Variants in UFSP2 observed in about 807,000 individuals in gnomAD.
UFSP2 encodes ufm1-specific protease 2.
In UFSP2, 43 loss-of-function variants were observed where a neutral mutation model predicts 60.2. The ratio of observed to expected loss-of-function variants is 0.71; its 90% CI spans 0.56 to 0.92. UFSP2 has a LOEUF of 0.92. Among genes scored for constraint, UFSP2 ranks in the 40% least tolerant of loss-of-function variants. The pLI is 0.00. For synonymous variants in UFSP2, 183 were observed against 195.1 expected (o/e 0.94, Z 0.52); for missense variants, 520 against 575.0 (o/e 0.90, Z 0.98).
At chr4:185,421,906 G>A (rs2095550067) in intron 2 of UFSP2, among the ~76,000 whole-genome samples, 1 of 152,166 alleles carries the variant, frequency 6.6e-6, no homozygotes, top group African/African-American at 2.4e-5. Flanking sequence ...TCAGCCAAAT[G>A]CCTGTTGGGA....
intron 7 of UFSP2, among the ~76,000 whole-genome samples, chr4:185,412,399 C>T (rs1282847616): frequency 1.3e-5 from 2 of 152,080 alleles, no homozygotes; most frequent in African/African-American, 4.8e-5. Flanking sequence ...CAAGTGGGCC[C>T]CTAACTCATC....
At chr4:185,417,658 T>C (rs2095541044) in intron 4 of UFSP2, among the ~76,000 whole-genome samples, 1 of 152,174 alleles carries the variant, frequency 6.6e-6, no homozygotes, top group Non-Finnish European at 1.5e-5. Context: ...TTCATACAAC[T>C]TCGTGCCTTG....
At position 185,399,804 on chromosome 4, in the gene UFSP2, T is replaced by G. The variant is rs1326570835; in HGVS notation, c.*588A>C. 5 of 1,612,770 alleles carry G rather than the reference T, an allele frequency of 3.1e-6. No homozygotes were observed. Among genetic ancestry groups the G allele is most frequent in the Non-Finnish European group, 4.2e-6 (5 of 1,179,166 alleles). On this transcript the variant is annotated 3_prime_UTR_variant, in exon 12 of 12. Transcript: ENST00000264689. ...TAACTCAGAGCTGCTGCTTTTTTCC[T>G]CCCGCAGTGATCTCTTGTTTGCATA...
Position 185,400,042 on chromosome 4 carries a change from T to C in UFSP2, c.*350A>G, listed in dbSNP as rs199667874. The C allele has an allele frequency of 2.5e-6, 4 of 1,574,070 alleles. No individual in the cohort carries two copies. The African/African-American group carries it at 4.1e-5, about 16-fold the overall frequency. On this transcript the variant is annotated 3_prime_UTR_variant, in exon 12 of 12. Coordinates refer to ENST00000264689, the MANE Select transcript of UFSP2 (RefSeq NM_018359.5). ...ATGTCACGTGGGTTATGAAGAAGTC[T>C]GAAGAACGCCTTCATTTCATGCAAA... is the stretch of plus-strand genomic sequence containing the variant.
At chr4:185,402,168 G>C (rs577384420) in intron 11 of UFSP2, 2 of 347,820 alleles carry the variant, frequency 5.8e-6, no homozygotes, top group African/African-American at 4.3e-5. Flanking sequence ...AAAGGTTTTA[G>C]CTCCCGAAAA....
Position 185,422,531 on chromosome 4 carries a change from T to C in UFSP2, c.36A>G (p.Arg12=). The part of the protein sequence containing the change: ...VISESMDILF[R]IRGGLDLAFQ... Reference sequence around the variant, plus strand: ...AAGCCAAATCAAGGCCTCCTCTTATTCTGAAGAGTATATCCATACTTTCTG... The same window carrying C: ...AAGCCAAATCAAGGCCTCCTCTTATCCTGAAGAGTATATCCATACTTTCTG... The change falls in exon 2 of 12, where the codon AGA becomes AGG. Residue 12 remains arginine (R), a synonymous_variant. Transcript: ENST00000264689. 1.9e-6 allele frequency: 3 copies of C among 1,611,810 alleles called. No individual in the cohort carries two copies. Among genetic ancestry groups the C allele is most frequent in the Non-Finnish European group, 2.5e-6 (3 of 1,179,352 alleles).
chr4:185,407,425 T>A (rs2095522468), intron 9 of UFSP2, among the ~76,000 whole-genome samples: 1 of 152,188 alleles, frequency 6.6e-6, no homozygotes, highest in Admixed American at 6.5e-5. Context: ...AAATAATTAA[T>A]TTATATTTTC....
chr4:185,409,595 T>C (rs964618669), intron 7 of UFSP2, among the ~76,000 whole-genome samples: 8 of 152,146 alleles, frequency 5.3e-5, no homozygotes, highest in Non-Finnish European at 5.9e-5. Context: ...CAAGCACAGA[T>C]AGAAAAATTT....
chr4:185,411,343 A>T (rs2095529013), intron 7 of UFSP2, among the ~76,000 whole-genome samples: 1 of 152,206 alleles, frequency 6.6e-6, no homozygotes, highest in Non-Finnish European at 1.5e-5. Flanking sequence ...CCAAGGAAAG[A>T]TCATACCACT....
rs2095523429 is a variant in UFSP2 at position 185,408,051 on chromosome 4, C to T, written c.1006G>A (p.Asp336Asn). 5.6e-6 allele frequency: 9 copies of T among 1,613,650 alleles called. No homozygotes were observed. The highest frequency in any genetic ancestry group is 1.1e-5 in the South Asian group (1 of 91,078). ...THREIQQALV[D>N]AGDKPATFVG... Reference sequence around the variant, plus strand: ...AATGTTGCTGGTTTGTCCCCGGCATCGACTAGAGCCTTGATGTATTTAAAA... The same window carrying T: ...AATGTTGCTGGTTTGTCCCCGGCATTGACTAGAGCCTTGATGTATTTAAAA... The change falls in exon 9 of 12, where the codon GAT (aspartate) becomes AAT (asparagine). Residue 336 changes from aspartate (D) to asparagine (N), a missense_variant. By Grantham distance (23) the Asp-to-Asn change is conservative. Transcript: ENST00000264689.
chr4:185,401,037 T>C (rs2095512602), intron 11 of UFSP2, among the ~76,000 whole-genome samples: 2 of 152,224 alleles, frequency 1.3e-5, no homozygotes, highest in Non-Finnish European at 1.5e-5. Context: ...TCATTTAGAG[T>C]ATGAAAATTT....
At position 185,400,396 on chromosome 4, in the gene UFSP2, A is replaced by G. The variant is rs1197757182; in HGVS notation, c.1406T>C (p.Ile469Thr). 1.9e-6 allele frequency: 3 copies of G among 1,611,606 alleles called. No individual in the cohort carries two copies. Among genetic ancestry groups the G allele is most frequent in the African/African-American group, 2.7e-5 (2 of 74,848 alleles). Reference protein sequence around the residue: ...NLCLPQRPNMI With the variant: ...NLCLPQRPNMT ...AGTCTTTGACTCCAAGATATTTTAAATCATATTTGGTCGCTGAGGAAGACA... is the reference window on the plus strand; with the variant it reads ...AGTCTTTGACTCCAAGATATTTTAAGTCATATTTGGTCGCTGAGGAAGACA... The change falls in exon 12 of 12, where the codon ATT becomes ACT. Residue 469 changes from isoleucine (I) to threonine (T), a missense_variant. Coordinates refer to ENST00000264689, the MANE Select transcript of UFSP2 (RefSeq NM_018359.5).
At chr4:185,422,765 T>A (rs1208096536) in intron 1 of UFSP2, among the ~76,000 whole-genome samples, 2 of 152,172 alleles carry the variant, frequency 1.3e-5, no homozygotes, top group Non-Finnish European at 2.9e-5. Flanking sequence ...TCAACCTTTG[T>A]TCTATACTGA....
At chr4:185,420,567 G>A (rs1367800087) in intron 2 of UFSP2, among the ~76,000 whole-genome samples, 1 of 152,116 alleles carries the variant, frequency 6.6e-6, no homozygotes, top group Non-Finnish European at 1.5e-5. Flanking sequence ...AGCTATTGTA[G>A]AGATTACTCA....
chr4:185,401,205 C>G (rs947936749), intron 11 of UFSP2, among the ~76,000 whole-genome samples: 7 of 152,186 alleles, frequency 4.6e-5, no homozygotes, highest in Admixed American at 1.3e-4. Flanking sequence ...AAGCAGCGGT[C>G]TGACTCCCTC....
chr4:185,403,720 C>T (rs2095516070), intron 10 of UFSP2, 102 bp from the exon 11 acceptor site: 2 of 1,420,244 alleles, frequency 1.4e-6, no homozygotes, highest in Non-Finnish European at 1.9e-6. Context: ...GTGGCTCACA[C>T]CTGTAATCCC....
chr4:185,407,732 GTTTA>G (rs1450440694), intron 9 of UFSP2, among the ~76,000 whole-genome samples, 200 bp downstream of exon 9: 1 of 150,322 alleles, frequency 6.7e-6, no homozygotes, highest in East Asian at 1.9e-4. Flanking sequence ...ACATCACAAA[GTTTA>G]TTCATAAAAT....
At chr4:185,405,911 A>T (rs1033926903) in intron 9 of UFSP2, 55 bp from the exon 10 acceptor site, 3 of 1,613,144 alleles carry the variant, frequency 1.9e-6, no homozygotes, top group Non-Finnish European at 2.5e-6. Flanking sequence ...ACGGTCAAAT[A>T]ATGAGCTAGG....
At chr4:185,404,759 T>C (rs2095518203) in intron 10 of UFSP2, among the ~76,000 whole-genome samples, 1 of 152,088 alleles carries the variant, frequency 6.6e-6, no homozygotes, top group African/African-American at 2.4e-5. Context: ...CTAAATTTTG[T>C]ATTTTTAGTA....
Sources: gnomAD v4.1 joint callset for allele counts (sites outside exome capture counted in the v4.1 genomes callset) on GRCh38, gnomAD v4.1.1 for gene constraint, MANE v1.5 for transcripts, NCBI Gene and HGNC (gene_info 2026-07-23, HGNC 2026-07-21) for gene names.